ADAMTSL1: variants seen among roughly 807,000 people sequenced by gnomAD.
The protein encoded by ADAMTSL1 is ADAMTS-like protein 1.
Under a neutral mutation model 201.8 loss-of-function variants are expected in ADAMTSL1, and 126 were observed. The ratio of observed to expected loss-of-function variants is 0.62; its 90% CI spans 0.54 to 0.72. ADAMTSL1 has a LOEUF of 0.72. Among genes scored for constraint, ADAMTSL1 ranks in the 30% least tolerant of loss-of-function variants. The pLI, the probability that ADAMTSL1 is intolerant of heterozygous loss-of-function variation, is 0.00. For synonymous variants in ADAMTSL1, 1,121 were observed against 903.4 expected, an observed-to-expected ratio of 1.24 and a Z score of -4.32; for missense variants, 2,679 against 2,277.8, an observed-to-expected ratio of 1.18 and a Z score of -3.59.
intron 4 of ADAMTSL1, among the ~76,000 whole-genome samples, chr9:18,616,804 G>A (rs374713488): frequency 6.6e-6 from 1 of 151,980 alleles, no homozygotes; most frequent in Non-Finnish European, 1.5e-5. Flanking sequence ...GAATTTTATG[G>A]TTATTTATAT....
intron 2 of ADAMTSL1, among the ~76,000 whole-genome samples, chr9:18,336,552 C>T (rs1055475530): frequency 2.6e-5 from 4 of 152,102 alleles, no homozygotes; most frequent in African/African-American, 4.8e-5. Flanking sequence ...TGGTTTATAT[C>T]AAATTCTTTA....
intron 2 of ADAMTSL1, among the ~76,000 whole-genome samples, chr9:18,352,399 T>C (rs1406048232): frequency 6.6e-6 from 1 of 152,232 alleles, no homozygotes; most frequent in Non-Finnish European, 1.5e-5. Context: ...CTACCCATCC[T>C]ACAGATCAGT....
At chr9:18,224,763 C>T (rs538806468) in intron 2 of ADAMTSL1, among the ~76,000 whole-genome samples, 1 of 152,148 alleles carries the variant, frequency 6.6e-6, no homozygotes, top group South Asian at 2.1e-4. Flanking sequence ...GAGTAGAGGA[C>T]AGGCATGGTC....
Position 18,151,921 on chromosome 9 carries a change from C to G in ADAMTSL1, c.88-11941C>G, listed in dbSNP as rs146617154. 8.2e-4 allele frequency among the ~76,000 whole-genome samples: 125 copies of G among 152,140 alleles called. 1 individual carries two copies. Among genetic ancestry groups the G allele is most frequent in the African/African-American group, 3.0e-3 (123 of 41,544 alleles). On this transcript the variant is annotated intron_variant, in intron 1 of 29. Transcript: ENST00000680146. ...TTGGAATGTCCACACACTTTGTCAG[C>G]CAAGTGAGTCAGTCAAGGTGGAAAT... is the stretch of plus-strand genomic sequence containing the variant.
intron 2 of ADAMTSL1, among the ~76,000 whole-genome samples, chr9:18,168,005 G>T (rs961250672): frequency 2.6e-5 from 4 of 151,802 alleles, no homozygotes; most frequent in African/African-American, 4.8e-5. Flanking sequence ...AACTGTTTGT[G>T]GAATAAAGAG....
At chr9:18,289,139 A>ATCTG (rs1833145299) in intron 2 of ADAMTSL1, among the ~76,000 whole-genome samples, 2 of 88,300 alleles carry the variant, frequency 2.3e-5, no homozygotes, top group African/African-American at 4.3e-5. Flanking sequence ...ATGTCTGTCT[A>ATCTG]TCTATCTATC....
chr9:18,538,045 A>C (rs1275990583), intron 3 of ADAMTSL1, among the ~76,000 whole-genome samples: 1 of 152,044 alleles, frequency 6.6e-6, no homozygotes, highest in African/African-American at 2.4e-5. Context: ...GGATAATTTT[A>C]AGCAGGGGAG....
At chr9:18,043,580 G>C (rs1377757756) in intron 1 of ADAMTSL1, among the ~76,000 whole-genome samples, 1 of 151,830 alleles carries the variant, frequency 6.6e-6, no homozygotes, top group Non-Finnish European at 1.5e-5. Flanking sequence ...CCCTACCCCA[G>C]AGCCTGTGCT....
intron 2 of ADAMTSL1, among the ~76,000 whole-genome samples, chr9:18,256,247 G>A (rs1469738949): frequency 6.6e-6 from 1 of 152,148 alleles, no homozygotes; most frequent in East Asian, 1.9e-4. Context: ...TGGATCAAAG[G>A]CAAAGGGCAT....
chr9:18,436,889 CG>C (rs1819759302), intron 2 of ADAMTSL1, among the ~76,000 whole-genome samples: 1 of 152,118 alleles, frequency 6.6e-6, no homozygotes, highest in African/African-American at 2.4e-5. Context: ...GAGATACACC[CG>C]TAAGGAAGGC....
In ADAMTSL1 at chr9:18,397,564, A is replaced by G. The variant is rs1817805123; in HGVS notation, c.208-107265A>G. On this transcript the variant is annotated intron_variant, in intron 2 of 29. Transcript: ENST00000680146. Reference sequence around the variant, plus strand: ...AGAAAATGTATTTCTCAACATCGGTACTGGTGGAGGAAAGAAAAACTTCTC... The same window carrying G: ...AGAAAATGTATTTCTCAACATCGGTGCTGGTGGAGGAAAGAAAAACTTCTC... Among the ~76,000 whole-genome samples, 3 of 152,186 alleles carry G rather than the reference A, an allele frequency of 2.0e-5. No homozygotes were observed. In the South Asian group the frequency reaches 6.2e-4, roughly 31 times the overall value.
At chr9:18,550,673 A>G (rs1432130428) in intron 3 of ADAMTSL1, among the ~76,000 whole-genome samples, 1 of 151,956 alleles carries the variant, frequency 6.6e-6, no homozygotes, top group African/African-American at 2.4e-5. Context: ...AAAAGGACCC[A>G]CTGAGCCATG....
intron 1 of ADAMTSL1, among the ~76,000 whole-genome samples, chr9:18,012,908 C>T (rs149745488): frequency 1.3e-4 from 20 of 152,030 alleles, no homozygotes; most frequent in African/African-American, 4.8e-4. Flanking sequence ...GTAGAAAAGT[C>T]TCTTTTCAGT....
At chr9:17,992,129 G>C (rs1819180298) in intron 1 of ADAMTSL1, among the ~76,000 whole-genome samples, 1 of 152,122 alleles carries the variant, frequency 6.6e-6, no homozygotes, top group Non-Finnish European at 1.5e-5. Context: ...TATGGGTATA[G>C]AGAGAGCAGA....
chr9:18,216,730 C>T (rs999068623), intron 2 of ADAMTSL1, among the ~76,000 whole-genome samples: 1 of 150,358 alleles, frequency 6.7e-6, no homozygotes, highest in Non-Finnish European at 1.5e-5. Flanking sequence ...TTTTTTTCTC[C>T]TCCCTTCTAC....
rs1003171793 is a variant in ADAMTSL1, at chr9:18,724,767, G to A, written c.2006+3102G>A. On this transcript the variant is annotated intron_variant, in intron 15 of 28. Coordinates refer to ENST00000380548, the MANE Select transcript of ADAMTSL1 (RefSeq NM_001040272.6). ...GCAATGTTTGGACCATATTATCAATGACAGCTGGGAAGACCTCAGTGCTTT... is the reference window on the plus strand; with the variant it reads ...GCAATGTTTGGACCATATTATCAATAACAGCTGGGAAGACCTCAGTGCTTT... Among the ~76,000 whole-genome samples the A allele has an allele frequency of 1.1e-4, 16 of 152,284 alleles. No individual in the cohort carries two copies. The East Asian group carries it at 3.1e-3, about 29-fold the overall frequency.
At chr9:18,062,199 C>A (rs1197467869) in intron 1 of ADAMTSL1, among the ~76,000 whole-genome samples, 1 of 152,172 alleles carries the variant, frequency 6.6e-6, no homozygotes, top group Non-Finnish European at 1.5e-5. Flanking sequence ...TGGAACATTT[C>A]AGGTTTACAA....
intron 2 of ADAMTSL1, among the ~76,000 whole-genome samples, chr9:18,193,458 G>T (rs1448154601): frequency 6.6e-6 from 1 of 152,200 alleles, no homozygotes; most frequent in Non-Finnish European, 1.5e-5. Context: ...AAGCTCCTTT[G>T]CCTTGGAAGA....
At chr9:18,453,431 T>C (rs1820488653) in intron 2 of ADAMTSL1, among the ~76,000 whole-genome samples, 1 of 152,220 alleles carries the variant, frequency 6.6e-6, no homozygotes, top group Admixed American at 6.5e-5. Flanking sequence ...TCTATACTAA[T>C]CTCCTTAGCA....
Sources: allele counts gnomAD v4.1 joint callset (sites outside exome capture counted in the v4.1 genomes callset), GRCh38; gene constraint gnomAD v4.1.1; transcripts MANE v1.5; gene names NCBI Gene and HGNC (gene_info 2026-07-23, HGNC 2026-07-21).